Variants in ZNF211 observed in about 807,000 individuals in gnomAD.
ZNF211 encodes zinc finger protein C2H2-25.
Under a neutral mutation model 12.1 loss-of-function variants are expected in ZNF211, and 18 were observed. The observed-to-expected ratio is 1.48, with a 90% CI of 1.03 to 2.20. ZNF211 has a LOEUF of 2.20. Among genes scored for constraint, ZNF211 ranks in the 30% most tolerant of loss-of-function variants. ZNF211 has a pLI of 0.00. For missense variants in ZNF211, 677 were observed against 703.1 expected, an observed-to-expected ratio of 0.96 and a Z score of 0.42; for synonymous variants, 249 against 246.0, an observed-to-expected ratio of 1.01 and a Z score of -0.11.
At chr19:57,634,113 C>T in intron 2 of ZNF211, 52 bp downstream of exon 2, 1 of 1,494,606 alleles carries the variant, frequency 6.7e-7, no homozygotes, top group South Asian at 1.4e-5. Context: ...CCTCCACCCT[C>T]CCCAGACAGA....
Position 57,642,377 on chromosome 19 carries a change from T to C in ZNF211, c.*196T>C, listed in dbSNP as rs1983095148. On this transcript the variant is annotated 3_prime_UTR_variant, in exon 4 of 4. Coordinates refer to ENST00000240731, the MANE Select transcript of ZNF211 (RefSeq NM_006385.5). ...GTTAGACTTTCTCACCTGCCATTTA[T>C]GGCTCTTGCCGTTTATGTCACTGAC... 3 of 613,440 alleles carry C rather than the reference T, an allele frequency of 4.9e-6. No homozygotes were observed. The highest frequency in any genetic ancestry group is 8.1e-6 in the Non-Finnish European group (3 of 369,432). The allele number at this position is 613,440 out of a possible 1,614,324, so 38.0% of individuals were successfully genotyped here. A position where few individuals can be genotyped will look rare whatever the true frequency, so the allele number is the denominator to read the frequency against.
At chr19:57,638,177 G>A (rs1343087661) in intron 3 of ZNF211, among the ~76,000 whole-genome samples, 1 of 152,048 alleles carries the variant, frequency 6.6e-6, no homozygotes, top group Non-Finnish European at 1.5e-5. Context: ...GGAATTACAG[G>A]CATGAGCCAC....
At chr19:57,636,209 T>A (rs1982114847) in intron 3 of ZNF211, among the ~76,000 whole-genome samples, 1 of 152,200 alleles carries the variant, frequency 6.6e-6, no homozygotes. Context: ...TTTAGTGTGT[T>A]GATAGGATCC....
rs1983155984 is a variant in ZNF211, at chr19:57,642,981, A to G, written c.*800A>G. Among the ~76,000 whole-genome samples, 1 of 152,136 alleles carries G rather than the reference A, an allele frequency of 6.6e-6. No individual in the cohort carries two copies. Among genetic ancestry groups the G allele is most frequent in the Non-Finnish European group, 1.5e-5 (1 of 68,018 alleles). ...GGCCTTCTAGGAAATACTGCAGGAT[A>G]TTATGGTCTTAATTCGTGGACTGGA... is the stretch of plus-strand genomic sequence containing the variant. On this transcript the variant is annotated 3_prime_UTR_variant, in exon 4 of 4. Coordinates refer to ENST00000240731, the MANE Select transcript of ZNF211 (RefSeq NM_006385.5).
intron 2 of ZNF211, 139 bp downstream of exon 2, chr19:57,634,200 C>T: frequency 1.0e-6 from 1 of 965,006 alleles, no homozygotes; most frequent in South Asian, 2.1e-5. Flanking sequence ...CCTGGAGAAT[C>T]CCTGAGCTAA....
At chr19:57,639,500 A>G (rs1160069658) in intron 3 of ZNF211, among the ~76,000 whole-genome samples, 1 of 135,638 alleles carries the variant, frequency 7.4e-6, no homozygotes, top group East Asian at 2.1e-4. Context: ...GCTCACTGCA[A>G]CCTCTGCCTC....
Position 57,641,464 on chromosome 19 carries a change from CAGCCTCAAT to C in ZNF211, c.1022_1030del (p.Leu341_Ser343del). ...GTGGGAAATCGTTTAGTCAGATATA[CAGCCTCAAT>C]AGCCATAGGAAAGTTCACACTGGAG... is the stretch of plus-strand genomic sequence containing the variant. On this transcript the variant is annotated inframe_deletion, in exon 4 of 4. Coordinates refer to ENST00000240731, the MANE Select transcript of ZNF211 (RefSeq NM_006385.5). 6.2e-7 allele frequency: 1 copy of C among 1,610,912 alleles called. No homozygotes were observed. The highest frequency in any genetic ancestry group is 2.2e-5 in the East Asian group (1 of 44,680).
At position 57,634,036 on chromosome 19, in the gene ZNF211, C is replaced by T; in HGVS notation, c.104C>T (p.Thr35Ile). The T allele has an allele frequency of 6.3e-7, 1 of 1,586,552 alleles. No individual in the cohort carries two copies. The highest frequency in any genetic ancestry group is 1.2e-5 in the South Asian group (1 of 86,312). Residue 35 changes from threonine (T) to isoleucine (I), a missense_variant, in exon 2 of 4, where the codon ACA becomes ATA. Physicochemically the swap from Thr to Ile is moderately conservative, Grantham distance 89 (BLOSUM62 -1). Coordinates refer to ENST00000240731, the MANE Select transcript of ZNF211 (RefSeq NM_006385.5). ...LRDPASVPIA[T>I]EVLFKLTQGS... ...GTCTTTCCACAGGTTCCCATAGCTA[C>T]AGAGGTGCTTTTCAAACTTACACAG...
Position 57,641,180 on chromosome 19 carries a change from G to A in ZNF211, c.733G>A (p.Gly245Arg). The A allele has an allele frequency of 6.2e-7, 1 of 1,614,182 alleles. No individual in the cohort carries two copies. Among genetic ancestry groups the A allele is most frequent in the Admixed American group, 1.7e-5 (1 of 60,028 alleles). Reference sequence around the variant, plus strand: ...CAGTGGAAAAAGTCATCACAACTGGGGAAAATGCAGTAAAGCCTTTAGCCA... The same window carrying A: ...CAGTGGAAAAAGTCATCACAACTGGAGAAAATGCAGTAAAGCCTTTAGCCA... Reference protein sequence around the residue: ...FYSGKSHHNWGKCSKAFSHID... With the variant: ...FYSGKSHHNWRKCSKAFSHID... Residue 245 changes from glycine to arginine, a missense_variant, in exon 4 of 4, where the codon GGA (glycine) becomes AGA (arginine). Coordinates refer to ENST00000240731, the MANE Select transcript of ZNF211 (RefSeq NM_006385.5).
rs766626061 is a variant in ZNF211, at chr19:57,640,788, A to G, written c.341A>G (p.Lys114Arg). The G allele has an allele frequency of 2.5e-5, 40 of 1,614,048 alleles. No homozygotes were observed. Among genetic ancestry groups the G allele is most frequent in the African/African-American group, 4.0e-5 (3 of 74,890 alleles). Residue 114 changes from lysine to arginine, a missense_variant, in exon 4 of 4, where the codon AAA becomes AGA. Physicochemically the swap from Lys to Arg is conservative, Grantham distance 26. Coordinates refer to ENST00000240731, the MANE Select transcript of ZNF211 (RefSeq NM_006385.5). ...GERVPQFRTS[K>R]EGSSSQNADS... ...AGAGTGCCACAGTTCAGGACTTCCA[A>G]AGAAGGTTCATCTTCCCAGAATGCC...
chr19:57,641,624 C>A lies in ZNF211; in HGVS notation c.1177C>A (p.Gln393Lys). Reference protein sequence around the residue: ...ECSECGKSFSQNFSLIYHQRV... With the variant: ...ECSECGKSFSKNFSLIYHQRV... Reference sequence around the variant, plus strand: ...CAGCGAATGTGGGAAATCTTTTAGCCAAAACTTTAGCCTGATCTACCACCA... The same window carrying A: ...CAGCGAATGTGGGAAATCTTTTAGCAAAAACTTTAGCCTGATCTACCACCA... Residue 393 changes from glutamine to lysine, a missense_variant, in exon 4 of 4, where the codon CAA (glutamine) becomes AAA (lysine). Transcript: ENST00000240731. 6.2e-7 allele frequency: 1 copy of A among 1,612,922 alleles called. No individual in the cohort carries two copies. Among genetic ancestry groups the A allele is most frequent in the Non-Finnish European group, 8.5e-7 (1 of 1,179,418 alleles).
intron 3 of ZNF211, among the ~76,000 whole-genome samples, chr19:57,635,209 A>G (rs1237896014): frequency 6.6e-6 from 1 of 152,250 alleles, no homozygotes; most frequent in African/African-American, 2.4e-5. Flanking sequence ...CTGTTCTTAT[A>G]GAAACCTCCT....
intron 3 of ZNF211, among the ~76,000 whole-genome samples, chr19:57,639,439 T>A (rs4801506): frequency 0.11 from 11,585 of 102,520 alleles, 1,638 homozygotes; most frequent in East Asian, 0.24. Flanking sequence ...TTTTTTTTTT[T>A]AATGGTGTCT....
In ZNF211 at chr19:57,641,072, G is replaced by T; in HGVS notation, c.625G>T (p.Ala209Ser). 1 of 1,614,166 alleles carries T rather than the reference G, an allele frequency of 6.2e-7. No individual in the cohort carries two copies. Among genetic ancestry groups the T allele is most frequent in the Non-Finnish European group, 8.5e-7 (1 of 1,180,034 alleles). Residue 209 changes from alanine (A) to serine (S), a missense_variant, in exon 4 of 4, where the codon GCC becomes TCC. Coordinates refer to ENST00000240731, the MANE Select transcript of ZNF211 (RefSeq NM_006385.5). ...CAGGGAGATCAGGAAAGACTTCCTG[G>T]CCAACATGAGGTTTCTCCATCAAGA... is the stretch of plus-strand genomic sequence containing the variant. ...TCREIRKDFL[A>S]NMRFLHQDAT...
chr19:57,637,074 T>C (rs923062086), intron 3 of ZNF211, among the ~76,000 whole-genome samples: 6 of 152,240 alleles, frequency 3.9e-5, no homozygotes, highest in Non-Finnish European at 5.9e-5. Context: ...TCCTTATTAG[T>C]TGTAACAGTT....
chr19:57,634,467 A>G (rs1309938034), intron 2 of ZNF211, among the ~76,000 whole-genome samples, 162 bp from the exon 3 acceptor site: 2 of 152,200 alleles, frequency 1.3e-5, no homozygotes, highest in African/African-American at 4.8e-5. Flanking sequence ...CAGAATGAAC[A>G]CAGTGACTAA....
chr19:57,642,367 C>A lies in ZNF211; in HGVS notation c.*186C>A, dbSNP rs1160958872. 1.5e-6 allele frequency: 1 copy of A among 655,820 alleles called. No individual in the cohort carries two copies. The highest frequency in any genetic ancestry group is 2.6e-5 in the South Asian group (1 of 38,844). 40.6% of individuals were successfully genotyped at this position (655,820 alleles called of 1,614,324 possible). ...TTTAGAAAGTGTTAGACTTTCTCAC[C>A]TGCCATTTATGGCTCTTGCCGTTTA... On this transcript the variant is annotated 3_prime_UTR_variant, in exon 4 of 4. Transcript: ENST00000240731.
Position 57,641,417 on chromosome 19 carries a change from A to G in ZNF211, c.970A>G (p.Arg324Gly), listed in dbSNP as rs770058183. Residue 324 changes from arginine (R) to glycine (G), a missense_variant, in exon 4 of 4, where the codon AGG becomes GGG. Transcript: ENST00000240731. ...ACATCAGAGAGTTCATACTGGAGAA[A>G]GGCCTTATGCGTGCCCTGAATGTGG... ...IIHQRVHTGE[R>G]PYACPECGKS... The G allele has an allele frequency of 6.2e-7, 1 of 1,610,662 alleles. No homozygotes were observed. The highest frequency in any genetic ancestry group is 8.5e-7 in the Non-Finnish European group (1 of 1,177,570).
rs2122219328 is a variant in ZNF211, at chr19:57,641,149, CTTTTACAGTG to C, written c.703_712del (p.Phe235GlufsTer17). The C allele has an allele frequency of 6.2e-7, 1 of 1,614,156 alleles. No individual in the cohort carries two copies. Among genetic ancestry groups the C allele is most frequent in the East Asian group, 2.2e-5 (1 of 44,884 alleles). On this transcript the variant is annotated frameshift_variant, in exon 4 of 4. Transcript: ENST00000240731. LOFTEE classifies it low-confidence loss of function (END_TRUNC). ...ATAACAGTAACAAGTGTGCGGTGGC[CTTTTACAGTG>C]GAAAAAGTCATCACAACTGGGGAAA...
Sources: allele counts gnomAD v4.1 joint callset (sites outside exome capture counted in the v4.1 genomes callset), GRCh38; gene constraint gnomAD v4.1.1; transcripts MANE v1.5; gene names NCBI Gene and HGNC (gene_info 2026-07-23, HGNC 2026-07-21).